The following METTL15 variants were observed in gnomAD, a reference collection of about 807,000 sequenced individuals.
METTL15 encodes the protein 12S rRNA N(4)-cytidine methyltransferase METTL15.
In METTL15, 34 loss-of-function variants were observed where a neutral mutation model predicts 38.3. The observed-to-expected ratio is 0.89, with a 90% CI of 0.68 to 1.18. The LOEUF (loss-of-function observed/expected upper bound fraction) is 1.18. METTL15 is among the 50% of genes most tolerant of loss of function. The pLI is 0.00. For synonymous variants in METTL15, 162 were observed against 170.9 expected, an observed-to-expected ratio of 0.95 and a Z score of 0.41; for missense variants, 438 against 498.4, an observed-to-expected ratio of 0.88 and a Z score of 1.15.
At chr11:28,480,388 A>T (rs1055723219) in intron 6 of METTL15, among the ~76,000 whole-genome samples, 2 of 152,222 alleles carry the variant, frequency 1.3e-5, no homozygotes, top group Non-Finnish European at 2.9e-5. Flanking sequence ...GATACAATAG[A>T]TGTAAATAAT....
chr11:28,455,241 T>TC (rs1384014637), intron 6 of METTL15, among the ~76,000 whole-genome samples: 1 of 123,030 alleles, frequency 8.1e-6, no homozygotes, highest in Non-Finnish European at 1.8e-5. Context: ...TTTTTTTTTT[T>TC]CAGTGAAGCA....
intron 6 of METTL15, among the ~76,000 whole-genome samples, chr11:28,480,251 T>A (rs569668927): frequency 6.6e-6 from 1 of 152,298 alleles, no homozygotes; most frequent in East Asian, 1.9e-4. Context: ...TTTGTAGCAT[T>A]TGCCATTTTC....
intron 6 of METTL15, among the ~76,000 whole-genome samples, chr11:28,499,860 G>A (rs1851568050): frequency 1.3e-5 from 2 of 152,102 alleles, no homozygotes; most frequent in African/African-American, 2.4e-5. Flanking sequence ...TAAGAAGAGA[G>A]GTGTGTTCAA....
intron 6 of METTL15, among the ~76,000 whole-genome samples, chr11:28,429,547 C>T (rs1173889603): frequency 1.9e-5 from 2 of 103,602 alleles, no homozygotes; most frequent in Admixed American, 1.0e-4. Flanking sequence ...TTGGTGGAGA[C>T]GGGGTTTCGC....
intron 6 of METTL15, among the ~76,000 whole-genome samples, chr11:28,462,612 T>A (rs1335856295): frequency 2.0e-5 from 3 of 151,818 alleles, no homozygotes; most frequent in Admixed American, 2.0e-4. Flanking sequence ...CCTGAGAAAC[T>A]GATGGTGGTC....
At chr11:28,134,930 T>C (rs1376020441) in intron 3 of METTL15, among the ~76,000 whole-genome samples, 1 of 152,152 alleles carries the variant, frequency 6.6e-6, no homozygotes, top group Non-Finnish European at 1.5e-5. Flanking sequence ...CCTTGAGTTA[T>C]GGGCTCTGTG....
At chr11:28,406,394 A>G (rs2133408427) in intron 5 of METTL15, among the ~76,000 whole-genome samples, 1 of 152,158 alleles carries the variant, frequency 6.6e-6, no homozygotes, top group East Asian at 1.9e-4. Flanking sequence ...TTGTTGGTGT[A>G]AAGGAATGCT....
intron 6 of METTL15, among the ~76,000 whole-genome samples, chr11:28,304,688 C>G (rs1043759098): frequency 2.6e-5 from 4 of 151,740 alleles, no homozygotes; most frequent in South Asian, 4.2e-4. Flanking sequence ...TGCACTCCAG[C>G]CTGGGTGACA....
intron 3 of METTL15, among the ~76,000 whole-genome samples, chr11:28,119,455 G>A (rs11604085): frequency 0.25 from 37,640 of 152,022 alleles, 4,905 homozygotes; most frequent in African/African-American, 0.29. Context: ...TAATTTCAGC[G>A]TCAGTATGGC....
chr11:28,349,921 G>C (rs1427395132), intron 3 of METTL15, among the ~76,000 whole-genome samples: 1 of 152,200 alleles, frequency 6.6e-6, no homozygotes, highest in East Asian at 1.9e-4. Flanking sequence ...CACAGAAGGT[G>C]TTGCATAAAT....
intron 4 of METTL15, among the ~76,000 whole-genome samples, chr11:28,233,970 A>G (rs1307901966): frequency 3.2e-5 from 4 of 125,866 alleles, no homozygotes; most frequent in Non-Finnish European, 6.7e-5. Flanking sequence ...CTACCCCACA[A>G]CAGTCCCCAG....
chr11:28,434,043 A>G (rs1457219465), intron 6 of METTL15, among the ~76,000 whole-genome samples: 1 of 152,062 alleles, frequency 6.6e-6, no homozygotes, highest in Non-Finnish European at 1.5e-5. Context: ...TCCCCACCCA[A>G]ATCTCATCTT....
At chr11:28,210,890 A>C (rs537546167) in intron 3 of METTL15, among the ~76,000 whole-genome samples, 172 bp from the exon 4 acceptor site, 1 of 152,130 alleles carries the variant, frequency 6.6e-6, no homozygotes, top group East Asian at 1.9e-4. Context: ...ATCACTCATA[A>C]TTGAGCCAGA....
intron 3 of METTL15, among the ~76,000 whole-genome samples, chr11:28,180,730 T>G (rs527370206): frequency 6.6e-6 from 1 of 151,902 alleles, no homozygotes; most frequent in Non-Finnish European, 1.5e-5. Flanking sequence ...TGATAAGAAA[T>G]ACAAATGAAA....
intron 3 of METTL15, chr11:28,122,219 A>T (rs781560682): frequency 8.3e-7 from 1 of 1,204,498 alleles, no homozygotes; most frequent in East Asian, 5.9e-5. Context: ...ATGTTTATGG[A>T]TTATATTTTT....
chr11:28,403,298 T>C (rs1850645954), intron 5 of METTL15, among the ~76,000 whole-genome samples: 1 of 152,026 alleles, frequency 6.6e-6, no homozygotes, highest in Non-Finnish European at 1.5e-5. Flanking sequence ...CTTTGGCCTC[T>C]TGCTGGCTCT....
chr11:28,375,302 C>G (rs1227745314), intron 5 of METTL15, among the ~76,000 whole-genome samples: 3 of 148,246 alleles, frequency 2.0e-5, no homozygotes, highest in Admixed American at 1.4e-4. Context: ...GTCCTGGACT[C>G]TTTTTGGTTG....
intron 3 of METTL15, among the ~76,000 whole-genome samples, chr11:28,137,725 T>C (rs1404269682): frequency 6.6e-6 from 1 of 152,204 alleles, no homozygotes; most frequent in Admixed American, 6.5e-5. Context: ...ACCATTTGTC[T>C]TCAAAAATAT....
At chr11:28,481,430 G>T (rs1416578528) in intron 6 of METTL15, among the ~76,000 whole-genome samples, 2 of 152,108 alleles carry the variant, frequency 1.3e-5, no homozygotes, top group Admixed American at 6.5e-5. Context: ...CACAAAAGGC[G>T]GTAGGAGACT....
Sources: gnomAD v4.1 joint callset for allele counts (sites outside exome capture counted in the v4.1 genomes callset) on GRCh38, gnomAD v4.1.1 for gene constraint, MANE v1.5 for transcripts, NCBI Gene and HGNC (gene_info 2026-07-23, HGNC 2026-07-21) for gene names.